Variants in NLGN1 observed in about 807,000 individuals in gnomAD.
The protein encoded by NLGN1 is neuroligin-1.
NLGN1 carries 12 observed loss-of-function variants against 65.5 expected under a neutral mutation model. The ratio of observed to expected loss-of-function variants is 0.18; its 90% CI spans 0.12 to 0.30. The LOEUF is 0.30. Ranked by LOEUF, NLGN1 falls within the 10% of genes least tolerant of loss-of-function variation. The probability of loss-of-function intolerance (pLI) is 1.00; values close to 1 mark genes in which losing one functional copy is unlikely to be tolerated. For synonymous variants in NLGN1, 350 were observed against 359.5 expected (o/e 0.97, Z 0.30); for missense variants, 750 against 1,007.1 (o/e 0.74, Z 3.46).
At chr3:173,689,487 A>C (rs1316418207) in intron 3 of NLGN1, among the ~76,000 whole-genome samples, 3 of 152,032 alleles carry the variant, frequency 2.0e-5, no homozygotes, top group South Asian at 4.1e-4. Context: ...TCCACCTCCC[A>C]AAATTCTCTG....
intron 4 of NLGN1, among the ~76,000 whole-genome samples, chr3:173,950,337 C>CA (rs1747954586): frequency 6.6e-6 from 1 of 152,036 alleles, no homozygotes; most frequent in African/African-American, 2.4e-5. Flanking sequence ...TTCACATTTA[C>CA]AAAAAATATG....
intron 4 of NLGN1, among the ~76,000 whole-genome samples, chr3:173,970,885 G>C (rs1016229337): frequency 3.9e-5 from 6 of 152,128 alleles, no homozygotes; most frequent in Non-Finnish European, 8.8e-5. Context: ...TGGAGGAGTA[G>C]GGTGCTACTG....
At chr3:173,515,903 T>C (rs978475361) in intron 2 of NLGN1, among the ~76,000 whole-genome samples, 1 of 152,092 alleles carries the variant, frequency 6.6e-6, no homozygotes, top group African/African-American at 2.4e-5. Context: ...TCCATTCTTA[T>C]ATATTATCTG....
intron 3 of NLGN1, among the ~76,000 whole-genome samples, chr3:173,682,363 G>C (rs1389834326): frequency 6.6e-6 from 1 of 152,052 alleles, no homozygotes; most frequent in Admixed American, 6.6e-5. Flanking sequence ...GCTGAAGAGG[G>C]TGGATCACGA....
intron 3 of NLGN1, among the ~76,000 whole-genome samples, chr3:173,679,409 G>A (rs1468230313): frequency 6.6e-6 from 1 of 152,072 alleles, no homozygotes; most frequent in Admixed American, 6.6e-5. Context: ...TCATGTGGTA[G>A]TCTACAGATT....
intron 3 of NLGN1, among the ~76,000 whole-genome samples, chr3:173,791,659 A>G (rs1022586960): frequency 1.1e-4 from 17 of 152,022 alleles, no homozygotes; most frequent in African/African-American, 2.9e-4. Flanking sequence ...TAAAAAAACA[A>G]TTGATTTATG....
At chr3:173,653,042 A>T (rs1759460451) in intron 3 of NLGN1, among the ~76,000 whole-genome samples, 1 of 151,948 alleles carries the variant, frequency 6.6e-6, no homozygotes, top group African/African-American at 2.4e-5. Context: ...TCTCGGTTTC[A>T]TTGTTGTTAG....
intron 4 of NLGN1, among the ~76,000 whole-genome samples, chr3:173,862,505 C>CAAA (rs10601211): frequency 1.3e-3 from 56 of 41,678 alleles, no homozygotes; most frequent in African/African-American, 1.5e-3. Context: ...GACTCCGTCT[C>CAAA]AAAAAAAAAA....
chr3:173,901,391 A>C (rs1737358619), intron 4 of NLGN1, among the ~76,000 whole-genome samples: 1 of 151,612 alleles, frequency 6.6e-6, no homozygotes, highest in South Asian at 2.1e-4. Flanking sequence ...GTGTGTTTAA[A>C]AACAGTGGCT....
chr3:174,080,688 G>A (rs527839007), intron 4 of NLGN1, among the ~76,000 whole-genome samples: 26 of 151,852 alleles, frequency 1.7e-4, no homozygotes, highest in African/African-American at 5.6e-4. Context: ...GCCTCTTAGT[G>A]TGCATGCTTA....
At chr3:173,962,540 A>G (rs777212568) in intron 4 of NLGN1, among the ~76,000 whole-genome samples, 10 of 152,132 alleles carry the variant, frequency 6.6e-5, no homozygotes, top group Non-Finnish European at 1.3e-4. Flanking sequence ...ACTTGAACAT[A>G]GTTGTGAATT....
intron 2 of NLGN1, among the ~76,000 whole-genome samples, chr3:173,579,122 C>A (rs532032051): frequency 6.6e-6 from 1 of 152,264 alleles, no homozygotes; most frequent in Admixed American, 6.5e-5. Context: ...CTGTAAATAT[C>A]TTTTAGCATC....
chr3:173,402,729 C>T lies in NLGN1; in HGVS notation c.-390+4242C>T, dbSNP rs141971173. 2.6e-5 allele frequency among the ~76,000 whole-genome samples: 4 copies of T among 152,292 alleles called. No homozygotes were observed. In the East Asian group the frequency reaches 7.7e-4, roughly 29 times the overall value. On this transcript the variant is annotated intron_variant, in intron 1 of 6. Transcript: ENST00000457714. ...AGCAGTCTTCTTCTCATGGATATAT[C>T]TCTTTATCTAGAAGGAAACTTTTCA... is the stretch of plus-strand genomic sequence containing the variant.
intron 2 of NLGN1, among the ~76,000 whole-genome samples, chr3:173,475,676 G>A (rs958494276): frequency 5.3e-5 from 8 of 152,104 alleles, no homozygotes; most frequent in Non-Finnish European, 7.4e-5. Flanking sequence ...TTTAGCAAGA[G>A]TTAATTAATG....
At chr3:174,032,206 C>T (rs1730168571) in intron 4 of NLGN1, among the ~76,000 whole-genome samples, 1 of 152,018 alleles carries the variant, frequency 6.6e-6, no homozygotes, top group East Asian at 1.9e-4. Context: ...ATATGAAGAC[C>T]TAGGATTCAG....
intron 4 of NLGN1, among the ~76,000 whole-genome samples, chr3:173,880,644 A>C (rs1733044624): frequency 6.6e-6 from 1 of 151,986 alleles, no homozygotes; most frequent in Non-Finnish European, 1.5e-5. Context: ...ACCTTGAGAG[A>C]CTTGTAAACT....
chr3:174,106,277 G>T (rs12488634), intron 4 of NLGN1, among the ~76,000 whole-genome samples: 42,060 of 151,708 alleles, frequency 0.28, 7,569 homozygotes, highest in African/African-American at 0.52. Context: ...CATTATGCCT[G>T]GTATATATAT....
At chr3:174,157,757 G>T in intron 4 of NLGN1, among the ~76,000 whole-genome samples, 1 of 151,872 alleles carries the variant, frequency 6.6e-6, no homozygotes, top group Non-Finnish European at 1.5e-5. Flanking sequence ...CAAGCATGGG[G>T]AAGAAGCAAG....
rs138652199 is a variant in NLGN1, at chr3:173,881,911, T to C, written c.646+74079T>C. On this transcript the variant is annotated intron_variant, in intron 4 of 6. Coordinates refer to ENST00000457714, the Ensembl canonical transcript of NLGN1. The stretch of plus-strand genomic sequence containing the variant: ...CTTTCTAGAAGGTTTTTAATTTACT[T>C]TGCCCAGATTCGTCAGAAGAATCAC... Among the ~76,000 whole-genome samples, 313 of 152,316 alleles carry C rather than the reference T, an allele frequency of 2.1e-3. 1 individual carries two copies. The highest frequency in any genetic ancestry group is 6.9e-3 in the African/African-American group (288 of 41,574).
Sources: gnomAD v4.1 joint callset for allele counts (sites outside exome capture counted in the v4.1 genomes callset) on GRCh38, gnomAD v4.1.1 for gene constraint, MANE v1.5 for transcripts, NCBI Gene and HGNC (gene_info 2026-07-23, HGNC 2026-07-21) for gene names.